The following COL6A6 variants were observed in gnomAD, a reference collection of about 807,000 sequenced individuals.
The protein encoded by COL6A6 is collagen alpha-6(VI) chain.
COL6A6 carries 183 observed loss-of-function variants against 208.6 expected under a neutral mutation model. The observed-to-expected ratio is 0.88, with a 90% CI of 0.78 to 0.99. The LOEUF is 0.99. Among genes scored for constraint, COL6A6 ranks in the 50% least tolerant of loss-of-function variants. The pLI is 0.00. For synonymous variants in COL6A6, 973 were observed against 1,011.8 expected (o/e 0.96, Z 0.73); for missense variants, 2,816 against 2,815.2 (o/e 1.00, Z -0.01).
In COL6A6 at chr3:130,623,676, C is replaced by T. The variant is rs147943528; in HGVS notation, c.4878+1793C>T. Among the ~76,000 whole-genome samples, 1,372 of 152,088 alleles carry T rather than the reference C, an allele frequency of 9.0e-3. 14 individuals carry two copies. The highest frequency in any genetic ancestry group is 0.014 in the Non-Finnish European group (974 of 68,002). ...GTATGAGGGGTAACCCTATCACAGACATAGGAAAGTCATTAGGAAGAGTGG... is the reference window on the plus strand; with the variant it reads ...GTATGAGGGGTAACCCTATCACAGATATAGGAAAGTCATTAGGAAGAGTGG... On this transcript the variant is annotated intron_variant, in intron 24 of 36. Coordinates refer to ENST00000358511, the MANE Select transcript of COL6A6 (RefSeq NM_001102608.3).
At chr3:130,564,959 G>A in intron 3 of COL6A6, 35 bp from the exon 4 acceptor site, 1 of 1,596,726 alleles carries the variant, frequency 6.3e-7, no homozygotes, top group Non-Finnish European at 8.5e-7. Context: ...TGAACCACCA[G>A]CTAAAATTGT....
At chr3:130,554,921 C>T (rs1295329599) in intron 1 of COL6A6, among the ~76,000 whole-genome samples, 1 of 152,040 alleles carries the variant, frequency 6.6e-6, no homozygotes, top group African/African-American at 2.4e-5. Flanking sequence ...GACGTGGGCC[C>T]CTGAGAGGTA....
chr3:130,563,479 T>G lies in COL6A6; in HGVS notation c.476T>G (p.Val159Gly). ...EASKALRKDGVKIISVGVQKA... is the reference protein window; with the variant it reads ...EASKALRKDGGKIISVGVQKA... ...TCAAAGGCCCTGCGGAAAGACGGAG[T>G]GAAAATCATCTCTGTAGGGGTGCAG... Residue 159 changes from valine to glycine, a missense_variant, in exon 3 of 37, where the codon GTG becomes GGG. By Grantham distance (109) the Val-to-Gly change is moderately radical. Coordinates refer to ENST00000358511, the MANE Select transcript of COL6A6 (RefSeq NM_001102608.3). 1 of 1,613,840 alleles carries G rather than the reference T, an allele frequency of 6.2e-7. No individual in the cohort carries two copies. The highest frequency in any genetic ancestry group is 1.7e-5 in the Admixed American group (1 of 60,010).
intron 1 of COL6A6, among the ~76,000 whole-genome samples, chr3:130,544,676 T>C (rs1365195027): frequency 2.6e-5 from 4 of 152,208 alleles, no homozygotes; most frequent in African/African-American, 9.7e-5. Flanking sequence ...GGTTCCCTTT[T>C]CTCTACACCT....
intron 33 of COL6A6, among the ~76,000 whole-genome samples, chr3:130,653,331 C>T (rs2065698136): frequency 6.6e-6 from 1 of 152,108 alleles, no homozygotes; most frequent in South Asian, 2.1e-4. Context: ...ATAGATGATT[C>T]TCATGATTAG....
chr3:130,576,140 T>A (rs1277433407), intron 8 of COL6A6, among the ~76,000 whole-genome samples: 1 of 152,148 alleles, frequency 6.6e-6, no homozygotes, highest in Non-Finnish European at 1.5e-5. Context: ...ATCACAGCCC[T>A]CCAGCGTGAT....
At chr3:130,560,229 C>A in intron 1 of COL6A6, 105 bp from the exon 2 acceptor site, 1 of 607,896 alleles carries the variant, frequency 1.6e-6, no homozygotes, top group Non-Finnish European at 2.8e-6. Context: ...AATTCCTTGT[C>A]CCCTGTTACA....
At position 130,552,686 on chromosome 3, in the gene COL6A6, G is replaced by A. The variant is rs550454461; in HGVS notation, c.-31-7648G>A. Among the ~76,000 whole-genome samples the A allele has an allele frequency of 5.9e-5, 9 of 152,214 alleles. No individual in the cohort carries two copies. The East Asian group carries it at 7.7e-4, about 13-fold the overall frequency. ...TATGTGCGAATTTCATCCTGTCATC[G>A]TGTTGTTAACTTAACCCTGGTTATT... On this transcript the variant is annotated intron_variant, in intron 1 of 36. Coordinates refer to ENST00000358511, the MANE Select transcript of COL6A6 (RefSeq NM_001102608.3).
rs755308374 is a variant in COL6A6 at position 130,665,008 on chromosome 3, A to T, written c.6508A>T (p.Ile2170Phe). Reference protein sequence around the residue: ...KSFINSIRRAINKYPPINLKI... With the variant: ...KSFINSIRRAFNKYPPINLKI... ...CACAGACTTTTCTCTTCTAGGTGCA[A>T]TCAACAAATATCCACCAATAAACTT... The change falls in exon 36 of 37, where the codon ATC becomes TTC. Residue 2170 changes from isoleucine to phenylalanine, a missense_variant. Ile to Phe is a conservative substitution (Grantham distance 21). Transcript: ENST00000358511. The T allele has an allele frequency of 6.3e-7, 1 of 1,594,034 alleles. No individual in the cohort carries two copies. The highest frequency in any genetic ancestry group is 1.7e-5 in the Admixed American group (1 of 58,414).
At chr3:130,673,184 A>C (rs1166234119) in intron 36 of COL6A6, among the ~76,000 whole-genome samples, 2 of 143,030 alleles carry the variant, frequency 1.4e-5, no homozygotes, top group Non-Finnish European at 3.0e-5. Context: ...ATCTCAAAAA[A>C]AAAAAACAAA....
chr3:130,568,526 G>A lies in COL6A6; in HGVS notation c.2323G>A (p.Val775Ile), dbSNP rs974941265. The A allele has an allele frequency of 1.2e-6, 2 of 1,612,388 alleles. No homozygotes were observed. The highest frequency in any genetic ancestry group is 2.7e-5 in the African/African-American group (2 of 75,020). ...LEEISGRPEM[V>I]FYVENFDILQ... ...GGAGATCAGTGGGAGGCCCGAGATG[G>A]TTTTTTATGTTGAGAATTTTGACAT... The change falls in exon 6 of 37, where the codon GTT becomes ATT. Residue 775 changes from valine to isoleucine, a missense_variant. Coordinates refer to ENST00000358511, the MANE Select transcript of COL6A6 (RefSeq NM_001102608.3).
chr3:130,638,139 A>G (rs552780063), intron 28 of COL6A6, among the ~76,000 whole-genome samples: 9 of 151,914 alleles, frequency 5.9e-5, no homozygotes, highest in Admixed American at 5.2e-4. Flanking sequence ...GTTATATTAA[A>G]AAAAAAAAAA....
At chr3:130,533,413 C>T (rs528281662) in intron 1 of COL6A6, among the ~76,000 whole-genome samples, 1 of 152,070 alleles carries the variant, frequency 6.6e-6, no homozygotes, top group African/African-American at 2.4e-5. Flanking sequence ...TTTTGAAAGA[C>T]CTTTGTTTGT....
intron 32 of COL6A6, 39 bp downstream of exon 32, chr3:130,645,041 C>T (rs1265196713): frequency 6.3e-7 from 1 of 1,595,304 alleles, no homozygotes; most frequent in East Asian, 2.2e-5. Flanking sequence ...TAATCAAGCT[C>T]TAAAATGTCA....
intron 7 of COL6A6, among the ~76,000 whole-genome samples, chr3:130,572,205 ACT>A (rs1416958358): frequency 6.6e-6 from 1 of 151,526 alleles, no homozygotes; most frequent in Admixed American, 6.6e-5. Context: ...AGTATTAAAA[ACT>A]CTGTTCCAGC....
intron 18 of COL6A6, among the ~76,000 whole-genome samples, chr3:130,597,834 CCCAGGTGT>C (rs919396708): frequency 2.2e-4 from 34 of 152,144 alleles, no homozygotes; most frequent in African/African-American, 7.7e-4. Context: ...TATGGGAGTG[CCCAGGTGT>C]CCAGGAAGAG....
intron 33 of COL6A6, among the ~76,000 whole-genome samples, chr3:130,656,074 C>T (rs1383661174): frequency 6.6e-6 from 1 of 152,212 alleles, no homozygotes; most frequent in African/African-American, 2.4e-5. Flanking sequence ...TGCAGACCCC[C>T]AGAGAGGGTA....
At chr3:130,596,415 GA>G (rs1195780502) in intron 18 of COL6A6, among the ~76,000 whole-genome samples, 9 of 152,170 alleles carry the variant, frequency 5.9e-5, no homozygotes, top group African/African-American at 2.2e-4. Flanking sequence ...ATATTTTAAA[GA>G]GTCTGAATAA....
intron 8 of COL6A6, among the ~76,000 whole-genome samples, chr3:130,577,374 TA>T (rs1449473282): frequency 2.6e-5 from 4 of 152,214 alleles, no homozygotes; most frequent in African/African-American, 9.7e-5. Flanking sequence ...TTGATATAGT[TA>T]TTGTCTAGGT....
Sources: allele counts gnomAD v4.1 joint callset (sites outside exome capture counted in the v4.1 genomes callset), GRCh38; gene constraint gnomAD v4.1.1; transcripts MANE v1.5; gene names NCBI Gene and HGNC (gene_info 2026-07-23, HGNC 2026-07-21).